The following ARFIP1 variants were observed in gnomAD, a reference collection of about 807,000 sequenced individuals.
ARFIP1 encodes the protein ARF interacting protein 1.
A neutral mutation model predicts 42.5 loss-of-function variants in ARFIP1; 24 were observed. That is an observed-to-expected ratio of 0.57 (90% CI 0.41 to 0.80). The LOEUF (loss-of-function observed/expected upper bound fraction) is 0.80. ARFIP1 is among the 30% of genes least tolerant of loss of function. The pLI, the probability that ARFIP1 is intolerant of heterozygous loss-of-function variation, is 0.00. For synonymous variants in ARFIP1, 141 were observed against 153.7 expected (o/e 0.92, Z 0.61); for missense variants, 354 against 434.0 (o/e 0.82, Z 1.64).
intron 1 of ARFIP1, among the ~76,000 whole-genome samples, chr4:152,822,132 A>G (rs1215808290): frequency 6.6e-6 from 1 of 152,146 alleles, no homozygotes; most frequent in Non-Finnish European, 1.5e-5. Context: ...GGATAAAAAA[A>G]TTGCAAACCA....
intron 5 of ARFIP1, among the ~76,000 whole-genome samples, chr4:152,873,979 A>G (rs908934531): frequency 6.6e-6 from 1 of 152,204 alleles, no homozygotes; most frequent in Non-Finnish European, 1.5e-5. Flanking sequence ...AACTTTGTTC[A>G]TAAGACTATA....
At chr4:152,803,285 G>A (rs1055466021) in intron 1 of ARFIP1, among the ~76,000 whole-genome samples, 2 of 152,132 alleles carry the variant, frequency 1.3e-5, no homozygotes, top group African/African-American at 4.8e-5. Context: ...GTTGAAATGG[G>A]TTACATTTAT....
chr4:152,863,820 T>C (rs1734090386), intron 3 of ARFIP1, 106 bp downstream of exon 3: 1 of 646,948 alleles, frequency 1.5e-6, no homozygotes, highest in African/African-American at 1.9e-5. Context: ...TTTCATTCTG[T>C]GATAAAACAT....
chr4:152,842,470 G>A (rs1732177132), intron 2 of ARFIP1, among the ~76,000 whole-genome samples: 1 of 152,162 alleles, frequency 6.6e-6, no homozygotes, highest in African/African-American at 2.4e-5. Context: ...TAGCAAGGCA[G>A]GGGAGGTTTT....
chr4:152,804,500 A>AT (rs1554022307), intron 1 of ARFIP1, among the ~76,000 whole-genome samples: 7 of 121,484 alleles, frequency 5.8e-5, no homozygotes, highest in East Asian at 4.3e-4. Flanking sequence ...ATATATATAT[A>AT]ATATATATAT....
At chr4:152,899,554 C>T (rs915612017) in intron 8 of ARFIP1, among the ~76,000 whole-genome samples, 5 of 152,288 alleles carry the variant, frequency 3.3e-5, no homozygotes, top group East Asian at 3.9e-4. Flanking sequence ...ATTTTGGACT[C>T]GGAGATCAGA....
chr4:152,885,980 A>G (rs971490202), intron 7 of ARFIP1, among the ~76,000 whole-genome samples: 1 of 152,008 alleles, frequency 6.6e-6, no homozygotes, highest in Non-Finnish European at 1.5e-5. Flanking sequence ...GCACAAAGAG[A>G]TGAAATAACC....
intron 2 of ARFIP1, among the ~76,000 whole-genome samples, chr4:152,836,301 AATG>A (rs1257453435): frequency 6.6e-6 from 1 of 152,198 alleles, no homozygotes; most frequent in East Asian, 1.9e-4. Context: ...TACAAATAAA[AATG>A]ATAACTGTGA....
intron 8 of ARFIP1, among the ~76,000 whole-genome samples, chr4:152,889,541 AT>A (rs1736565749): frequency 8.7e-6 from 1 of 115,122 alleles, no homozygotes; most frequent in African/African-American, 3.2e-5. Context: ...ATATACACCT[AT>A]TTTTGTGTGT....
intron 6 of ARFIP1, 138 bp downstream of exon 6, chr4:152,881,322 C>T: frequency 2.9e-6 from 2 of 695,380 alleles, no homozygotes; most frequent in Non-Finnish European, 4.7e-6. Flanking sequence ...TATTTCATAT[C>T]ACTTTAAGAA....
chr4:152,861,041 AT>A (rs1733851021), intron 2 of ARFIP1, among the ~76,000 whole-genome samples: 1 of 152,234 alleles, frequency 6.6e-6, no homozygotes, highest in African/African-American at 2.4e-5. Context: ...TAGTAAAAAT[AT>A]CTAAGAATAG....
At chr4:152,809,953 T>A (rs1729317348) in intron 1 of ARFIP1, 1 of 152,212 alleles carries the variant, frequency 6.6e-6, no homozygotes, top group Non-Finnish European at 1.5e-5. Context: ...TACTTGAACT[T>A]AACAAGGAAC....
chr4:152,889,797 CTATACTATATACTATATATATACTATA>C (rs1376923242), intron 8 of ARFIP1, among the ~76,000 whole-genome samples: 13 of 20,488 alleles, frequency 6.3e-4, no homozygotes, highest in East Asian at 4.0e-3. Flanking sequence ...ATATTATATA[CTATACTATATACTATATATATACTATA>C]TATACTATAT....
Position 152,849,791 on chromosome 4 carries a change from C to G in ARFIP1, c.94-13815C>G, listed in dbSNP as rs115298467. On this transcript the variant is annotated intron_variant, in intron 2 of 8. Transcript: ENST00000353617. ...TGTGATCATAAAGTGAGTTATTAAA[C>G]TTATTTAAAGTGAGAATCTAGAAGT... Among the ~76,000 whole-genome samples the G allele has an allele frequency of 8.8e-3, 1,336 of 152,192 alleles. 22 individuals carry two copies. The highest frequency in any genetic ancestry group is 0.03 in the African/African-American group (1,254 of 41,498).
At chr4:152,863,827 A>T (rs1298801570) in intron 3 of ARFIP1, 113 bp downstream of exon 3, 3 of 620,026 alleles carry the variant, frequency 4.8e-6, no homozygotes, top group Non-Finnish European at 8.4e-6. Context: ...CTGTGATAAA[A>T]CATTGATTAT....
chr4:152,795,697 T>C (rs781039722), intron 1 of ARFIP1, among the ~76,000 whole-genome samples: 1 of 152,076 alleles, frequency 6.6e-6, no homozygotes, highest in Non-Finnish European at 1.5e-5. Flanking sequence ...TAATGGAATG[T>C]TTTGTCATAT....
Position 152,888,129 on chromosome 4 carries a change from C to G in ARFIP1, c.792-4C>G. On this transcript the variant is annotated splice_polypyrimidine_tract_variant and splice_region_variant and intron_variant, in intron 7 of 8. Coordinates refer to ENST00000353617, the MANE Select transcript of ARFIP1 (RefSeq NM_001025595.3). ...GTATGCTTCACTTACTCTCTTCTTT[C>G]CAGGATTGAATATGATGCATATCGC... The G allele has an allele frequency of 6.3e-7, 1 of 1,591,108 alleles. No homozygotes were observed. The highest frequency in any genetic ancestry group is 8.5e-7 in the Non-Finnish European group (1 of 1,171,928).
intron 2 of ARFIP1, among the ~76,000 whole-genome samples, chr4:152,855,945 C>G (rs1733392483): frequency 6.6e-6 from 1 of 152,186 alleles, no homozygotes; most frequent in Non-Finnish European, 1.5e-5. Flanking sequence ...TGTCACTTTT[C>G]TGTTGGATTC....
chr4:152,801,302 C>T (rs968669447), intron 1 of ARFIP1, among the ~76,000 whole-genome samples: 3 of 152,026 alleles, frequency 2.0e-5, no homozygotes, highest in Non-Finnish European at 2.9e-5. Flanking sequence ...GGAAGAGAAT[C>T]GTGAAAATCC....
Sources: allele counts gnomAD v4.1 joint callset (sites outside exome capture counted in the v4.1 genomes callset), GRCh38; gene constraint gnomAD v4.1.1; transcripts MANE v1.5; gene names NCBI Gene and HGNC (gene_info 2026-07-23, HGNC 2026-07-21).